Variants in FAT3 observed in about 807,000 individuals in gnomAD.
FAT3 encodes the protein protocadherin Fat 3.
A neutral mutation model predicts 310.2 loss-of-function variants in FAT3; 95 were observed. That is an observed-to-expected ratio of 0.31 (90% CI 0.26 to 0.36). FAT3 has a LOEUF of 0.36. Among genes scored for constraint, FAT3 ranks in the 10% least tolerant of loss-of-function variants. FAT3 has a pLI of 1.00. For synonymous variants in FAT3, 2,314 were observed against 2,192.9 expected (o/e 1.06, Z -1.54); for missense variants, 5,408 against 5,715.6 (o/e 0.95, Z 1.74).
chr11:92,598,628 A>G (rs1405177457), intron 3 of FAT3, among the ~76,000 whole-genome samples: 2 of 152,188 alleles, frequency 1.3e-5, no homozygotes, highest in Non-Finnish European at 2.9e-5. Flanking sequence ...AGGTTATGTA[A>G]CTTGTAAGAT....
At chr11:92,484,913 G>C (rs1393936194) in intron 2 of FAT3, among the ~76,000 whole-genome samples, 2 of 151,172 alleles carry the variant, frequency 1.3e-5, no homozygotes, top group Non-Finnish European at 3.0e-5. Context: ...GTAATTTTTG[G>C]GCGATGTCTT....
At chr11:92,863,413 C>G (rs924628060) in intron 21 of FAT3, among the ~76,000 whole-genome samples, 1 of 152,150 alleles carries the variant, frequency 6.6e-6, no homozygotes, top group African/African-American at 2.4e-5. Context: ...TACTTTCCTG[C>G]AAAAGTAGGA....
intron 2 of FAT3, among the ~76,000 whole-genome samples, chr11:92,362,156 A>G (rs577140147): frequency 1.4e-4 from 22 of 152,320 alleles, no homozygotes; most frequent in African/African-American, 4.3e-4. Flanking sequence ...TTTCTCCAGC[A>G]TATCTGAGCA....
Position 92,891,110 on chromosome 11 carries a change from G to A in FAT3, c.13767G>A (p.Val4589=), listed in dbSNP as rs371790138. The A allele has an allele frequency of 1.1e-4, 184 of 1,613,092 alleles. No homozygotes were observed. The African/African-American group carries it at 2.2e-3, about 19-fold the overall frequency. ...TGGAGACTCAGCATCAGACTCAAGT[G>A]TAGACATCACATCTTGGGTACTTCA... ...PFVETQHQTQ[V] Residue 4589 remains valine, a synonymous_variant, in exon 28 of 28, where the codon GTG becomes GTA. Transcript: ENST00000525166.
At position 92,805,301 on chromosome 11, in the gene FAT3, G is replaced by A. The variant is rs377417722; in HGVS notation, c.9045G>A (p.Val3015=). ...GGCTTTTTGTCACACAGGCCATGGT[G>A]GAAGTGAGCGTCAGTGATGTGAATG... is the stretch of plus-strand genomic sequence containing the variant. ...TDGLFVTQAM[V]EVSVSDVNDN... is the part of the protein sequence containing the mutation. The change falls in exon 11 of 28, where the codon GTG becomes GTA. Residue 3015 remains valine (V), a synonymous_variant. Coordinates refer to ENST00000525166, the MANE Select transcript of FAT3 (RefSeq NM_001367949.2). The A allele has an allele frequency of 6.2e-7, 1 of 1,613,762 alleles. No individual in the cohort carries two copies. Among genetic ancestry groups the A allele is most frequent in the Non-Finnish European group, 8.5e-7 (1 of 1,179,802 alleles).
chr11:92,553,499 G>A (rs191248259), intron 3 of FAT3, among the ~76,000 whole-genome samples: 9 of 152,268 alleles, frequency 5.9e-5, no homozygotes, highest in Admixed American at 1.3e-4. Flanking sequence ...GTAGGTTACC[G>A]GGCATCTGTT....
At chr11:92,489,869 C>T (rs1017438390) in intron 2 of FAT3, among the ~76,000 whole-genome samples, 1 of 150,642 alleles carries the variant, frequency 6.6e-6, no homozygotes, top group Non-Finnish European at 1.5e-5. Flanking sequence ...AATGAGTTTT[C>T]GTAGTTTTTT....
At chr11:92,750,715 C>T (rs369674678) in intron 4 of FAT3, among the ~76,000 whole-genome samples, 4 of 152,122 alleles carry the variant, frequency 2.6e-5, no homozygotes, top group Admixed American at 6.5e-5. Context: ...TAGCATGGAA[C>T]GTTAGCATGC....
chr11:92,470,917 G>A (rs1423040744), intron 2 of FAT3, among the ~76,000 whole-genome samples: 1 of 152,122 alleles, frequency 6.6e-6, no homozygotes, highest in Non-Finnish European at 1.5e-5. Flanking sequence ...TAAAAGGAAG[G>A]AAACATACTT....
At chr11:92,522,960 C>T (rs1953735215) in intron 2 of FAT3, among the ~76,000 whole-genome samples, 1 of 152,262 alleles carries the variant, frequency 6.6e-6, no homozygotes, top group Non-Finnish European at 1.5e-5. Flanking sequence ...ACCTGGCCTT[C>T]CCCTCTTGGA....
intron 2 of FAT3, among the ~76,000 whole-genome samples, chr11:92,487,989 T>C (rs187159806): frequency 9.2e-5 from 14 of 152,332 alleles, no homozygotes; most frequent in South Asian, 6.2e-4. Flanking sequence ...TGTGTCTTGT[T>C]TCTAAGCAAT....
At chr11:92,758,391 T>A (rs1319438170) in intron 4 of FAT3, among the ~76,000 whole-genome samples, 1 of 152,164 alleles carries the variant, frequency 6.6e-6, no homozygotes, top group South Asian at 2.1e-4. Context: ...AATGTTTGGA[T>A]TGAGGCTTCT....
At chr11:92,275,560 A>G (rs1369827381) in intron 1 of FAT3, among the ~76,000 whole-genome samples, 1 of 151,764 alleles carries the variant, frequency 6.6e-6, no homozygotes, top group Non-Finnish European at 1.5e-5. Flanking sequence ...ACTTTCTTTC[A>G]TTTTATCCAA....
chr11:92,268,246 A>G (rs1946023655), intron 1 of FAT3, among the ~76,000 whole-genome samples: 1 of 152,064 alleles, frequency 6.6e-6, no homozygotes, highest in Non-Finnish European at 1.5e-5. Context: ...CCAGGGAAAC[A>G]CAGCAAGAGG....
At chr11:92,309,290 C>G (rs1319355730) in intron 1 of FAT3, among the ~76,000 whole-genome samples, 2 of 151,166 alleles carry the variant, frequency 1.3e-5, no homozygotes, top group South Asian at 4.2e-4. Flanking sequence ...AGCTCTCCCC[C>G]CAGCCCTCCC....
At chr11:92,239,304 C>T (rs1489781620) in intron 1 of FAT3, among the ~76,000 whole-genome samples, 1 of 152,014 alleles carries the variant, frequency 6.6e-6, no homozygotes, top group Non-Finnish European at 1.5e-5. Flanking sequence ...CTATAGTGAT[C>T]CTGGAGAATC....
intron 1 of FAT3, among the ~76,000 whole-genome samples, chr11:92,270,157 G>A (rs1417547465): frequency 1.3e-5 from 2 of 152,068 alleles, no homozygotes; most frequent in Non-Finnish European, 2.9e-5. Context: ...TGGTACATAT[G>A]ACTACTTCCA....
chr11:92,369,877 T>C (rs1160204785), intron 2 of FAT3, among the ~76,000 whole-genome samples: 1 of 152,002 alleles, frequency 6.6e-6, no homozygotes, highest in African/African-American at 2.4e-5. Flanking sequence ...AAACTGCAAG[T>C]TCAATAAGTA....
rs1159137281 is a variant in FAT3 at position 92,578,374 on chromosome 11, A to G, written c.3607+53426A>G. Among the ~76,000 whole-genome samples, 3 of 152,082 alleles carry G rather than the reference A, an allele frequency of 2.0e-5. 1 individual carries two copies. Among genetic ancestry groups the G allele is most frequent in the Non-Finnish European group, 4.4e-5 (3 of 68,002 alleles). On this transcript the variant is annotated intron_variant, in intron 3 of 27. Coordinates refer to ENST00000525166, the MANE Select transcript of FAT3 (RefSeq NM_001367949.2). ...GTGACAGCTTCTATACCCAGTTTGG[A>G]AACACTAGTGTACTCCCTACTTGAC... is the stretch of plus-strand genomic sequence containing the variant.
Sources: gnomAD v4.1 joint callset for allele counts (sites outside exome capture counted in the v4.1 genomes callset) on GRCh38, gnomAD v4.1.1 for gene constraint, MANE v1.5 for transcripts, NCBI Gene and HGNC (gene_info 2026-07-23, HGNC 2026-07-21) for gene names.